Variants in ABLIM2 observed in about 807,000 individuals in gnomAD.
ABLIM2 encodes actin binding LIM protein family member 2, also known as actin-binding LIM protein 2.
ABLIM2 carries 53 observed loss-of-function variants against 97.7 expected under a neutral mutation model. The observed-to-expected ratio is 0.54, with a 90% CI of 0.44 to 0.68. ABLIM2 has a LOEUF of 0.68. Among genes scored for constraint, ABLIM2 ranks in the 30% least tolerant of loss-of-function variants. The probability of loss-of-function intolerance (pLI) is 0.00; values close to 1 mark genes in which losing one functional copy is unlikely to be tolerated. For synonymous variants in ABLIM2, 361 were observed against 345.8 expected (o/e 1.04, Z -0.49); for missense variants, 835 against 867.2 (o/e 0.96, Z 0.47).
chr4:7,977,507 T>G (rs1734440367), intron 20 of ABLIM2, among the ~76,000 whole-genome samples: 1 of 152,116 alleles, frequency 6.6e-6, no homozygotes, highest in Admixed American at 6.5e-5. Context: ...AAAGGTAGGG[T>G]AGGCCGGTGT....
At chr4:8,091,065 C>T (rs1262346697) in intron 3 of ABLIM2, among the ~76,000 whole-genome samples, 2 of 150,930 alleles carry the variant, frequency 1.3e-5, no homozygotes, top group Admixed American at 6.7e-5. Context: ...GTTTCCATGG[C>T]CGTTGTGCCA....
chr4:8,154,232 G>A (rs1470232190), intron 1 of ABLIM2, among the ~76,000 whole-genome samples: 5 of 149,370 alleles, frequency 3.3e-5, no homozygotes, highest in Non-Finnish European at 7.4e-5. Flanking sequence ...AAAGTGCTGG[G>A]ATTACAGGCG....
At chr4:8,035,383 T>C (rs1342932535) in intron 10 of ABLIM2, among the ~76,000 whole-genome samples, 1 of 152,148 alleles carries the variant, frequency 6.6e-6, no homozygotes, top group East Asian at 1.9e-4. Flanking sequence ...GAGGCCCTTG[T>C]TGAAGTCTCA....
intron 20 of ABLIM2, among the ~76,000 whole-genome samples, chr4:7,968,399 C>T (rs1397411488): frequency 1.3e-5 from 2 of 152,262 alleles, no homozygotes; most frequent in African/African-American, 4.8e-5. Flanking sequence ...AGCAGCATTA[C>T]TCTAAATCAC....
At chr4:8,029,529 T>G in intron 11 of ABLIM2, 127 bp downstream of exon 11, 1 of 1,217,384 alleles carries the variant, frequency 8.2e-7, no homozygotes, top group Non-Finnish European at 1.1e-6. Context: ...TCCCACCCAT[T>G]TCCATCATAT....
At chr4:7,977,117 TAGAG>T (rs1264991048) in intron 20 of ABLIM2, among the ~76,000 whole-genome samples, 1 of 152,174 alleles carries the variant, frequency 6.6e-6, no homozygotes, top group Non-Finnish European at 1.5e-5. Context: ...GTTCTCGTGA[TAGAG>T]AGTGAGTTCT....
chr4:8,106,758 G>C, intron 1 of ABLIM2, 121 bp from the exon 2 acceptor site: 1 of 1,230,368 alleles, frequency 8.1e-7, no homozygotes, highest in Non-Finnish European at 1.1e-6. Context: ...CCACCAGCAC[G>C]AGCCGCACGG....
At chr4:8,090,867 C>A (rs1826900204) in intron 3 of ABLIM2, among the ~76,000 whole-genome samples, 1 of 152,078 alleles carries the variant, frequency 6.6e-6, no homozygotes, top group Non-Finnish European at 1.5e-5. Context: ...TCACAACAGC[C>A]ATTCCATGCA....
chr4:7,980,044 T>C (rs1300231422), intron 20 of ABLIM2, among the ~76,000 whole-genome samples: 1 of 152,176 alleles, frequency 6.6e-6, no homozygotes. Context: ...ATTTAGCCCT[T>C]GATTAAGCCA....
rs887359815 is a variant in ABLIM2 at position 8,068,718 on chromosome 4, C to T, written c.676-7664G>A. ...TCCCCGCTGCGGGCTCCCGCTCAGC[C>T]GAGGGCCAGGGCTGGGCCTGCGGGC... is the stretch of plus-strand genomic sequence containing the variant. On this transcript the variant is annotated intron_variant, in intron 6 of 20. Transcript: ENST00000447017. This position sits in a 1 kb window ranked among gnomAD's most constrained non-coding sequence, Gnocchi z 4.5. Among the ~76,000 whole-genome samples the T allele has an allele frequency of 8.5e-5, 13 of 152,308 alleles. No individual in the cohort carries two copies. Among genetic ancestry groups the T allele is most frequent in the African/African-American group, 2.9e-4 (12 of 41,564 alleles).
chr4:8,070,313 G>A (rs1006463326), intron 6 of ABLIM2, among the ~76,000 whole-genome samples: 2 of 149,888 alleles, frequency 1.3e-5, no homozygotes, highest in East Asian at 2.0e-4. Flanking sequence ...GTGGATGTGT[G>A]TATCTGCACG....
At chr4:7,993,464 A>T (rs1317925935) in intron 16 of ABLIM2, among the ~76,000 whole-genome samples, 1 of 152,162 alleles carries the variant, frequency 6.6e-6, no homozygotes, top group Non-Finnish European at 1.5e-5. Context: ...TGGGAAAATC[A>T]CTTGAGGCCA....
At chr4:7,984,652 TG>T (rs1353652107) in intron 18 of ABLIM2, among the ~76,000 whole-genome samples, 186 bp downstream of exon 18, 1 of 152,132 alleles carries the variant, frequency 6.6e-6, no homozygotes, top group Non-Finnish European at 1.5e-5. Context: ...AAAGCTAGCT[TG>T]GAGTGGAACT....
chr4:8,154,416 GGA>G (rs1714532383), intron 1 of ABLIM2, among the ~76,000 whole-genome samples: 1 of 150,536 alleles, frequency 6.6e-6, no homozygotes, highest in African/African-American at 2.5e-5. Flanking sequence ...TGAGTAGTGG[GGA>G]TTACAGGCAC....
In ABLIM2 at chr4:8,127,694, T is replaced by C; in HGVS notation, c.11-21057A>G. 8.0e-7 allele frequency: 1 copy of C among 1,248,960 alleles called. No homozygotes were observed. The highest frequency in any genetic ancestry group is 1.0e-6 in the Non-Finnish European group (1 of 963,194). The allele number at this position is 1,248,960 out of a possible 1,614,324, so 77.4% of individuals were successfully genotyped here. On this transcript the variant is annotated intron_variant, in intron 1 of 20. Coordinates refer to ENST00000447017, the MANE Select transcript of ABLIM2 (RefSeq NM_001130083.2). The surrounding 1 kb of genome is among the most constrained non-coding windows in gnomAD (Gnocchi z 7.3). Reference sequence around the variant, plus strand: ...GAAGAGCCTCTGTGGCCCACAGGGCTCCCACAAGGTCACGTGGCAGCTGCC... The same window carrying C: ...GAAGAGCCTCTGTGGCCCACAGGGCCCCCACAAGGTCACGTGGCAGCTGCC...
chr4:7,969,775 T>C (rs1321563523), intron 20 of ABLIM2, among the ~76,000 whole-genome samples: 1 of 109,098 alleles, frequency 9.2e-6, no homozygotes, highest in Non-Finnish European at 2.0e-5. Context: ...ACACAGCCTA[T>C]CCAGCAAGTC....
intron 8 of ABLIM2, among the ~76,000 whole-genome samples, chr4:8,049,379 G>C (rs1794603527): frequency 6.6e-6 from 1 of 152,212 alleles, no homozygotes; most frequent in Non-Finnish European, 1.5e-5. Flanking sequence ...AGGGACGTCT[G>C]ACATGCTGTC....
Position 8,032,623 on chromosome 4 carries a change from G to C in ABLIM2, c.1048-2847C>G. Reference sequence around the variant, plus strand: ...CAGGCAGCAGCGCCACGGCAAGCGGGGACAGGCGAGAGGGTGGTGGTTACC... The same window carrying C: ...CAGGCAGCAGCGCCACGGCAAGCGGCGACAGGCGAGAGGGTGGTGGTTACC... On this transcript the variant is annotated intron_variant, in intron 10 of 20. Transcript: ENST00000447017. This position sits in a 1 kb window ranked among gnomAD's most constrained non-coding sequence, Gnocchi z 4.3. 6.2e-7 allele frequency: 1 copy of C among 1,612,356 alleles called. No homozygotes were observed. The highest frequency in any genetic ancestry group is 1.1e-5 in the South Asian group (1 of 91,070).
chr4:7,996,740 T>G lies in ABLIM2; in HGVS notation c.1619-3813A>C, dbSNP rs973199739. Among the ~76,000 whole-genome samples the G allele has an allele frequency of 9.2e-5, 14 of 152,236 alleles. No homozygotes were observed. Among genetic ancestry groups the G allele is most frequent in the Non-Finnish European group, 1.9e-4 (13 of 68,050 alleles). The stretch of plus-strand genomic sequence containing the variant: ...TTGGAGAAGATTCCTTACGGGTAGC[T>G]CTGCAGGATATCTCACTGAACACAG... On this transcript the variant is annotated intron_variant, in intron 16 of 20. Coordinates refer to ENST00000447017, the MANE Select transcript of ABLIM2 (RefSeq NM_001130083.2). The surrounding 1 kb of genome is among the most constrained non-coding windows in gnomAD (Gnocchi z 4.5).
Sources: gnomAD v4.1 joint callset for allele counts (sites outside exome capture counted in the v4.1 genomes callset) on GRCh38, gnomAD v4.1.1 for gene constraint, Gnocchi (gnomAD v3.1) non-coding constraint, MANE v1.5 for transcripts, NCBI Gene and HGNC (gene_info 2026-07-23, HGNC 2026-07-21) for gene names.